HERC2: variants seen among roughly 807,000 people sequenced by gnomAD.
HERC2 encodes HECT and RLD domain containing E3 ubiquitin protein ligase 2, also known as E3 ubiquitin-protein ligase HERC2.
HERC2 carries 102 observed loss-of-function variants against 537.7 expected under a neutral mutation model. The observed-to-expected ratio is 0.19, with a 90% confidence interval of 0.16 to 0.22. The LOEUF (loss-of-function observed/expected upper bound fraction) is 0.22. Ranked by LOEUF, HERC2 falls within the 10% of genes least tolerant of loss-of-function variation. The pLI is 1.00. For synonymous variants in HERC2, 2,224 were observed against 2,466.2 expected (o/e 0.90, Z 2.91); for missense variants, 4,236 against 6,198.2 (o/e 0.68, Z 10.63).
In HERC2 at chr15:28,265,950, G is replaced by C; in HGVS notation, c.1623C>G (p.Ile541Met). 1 of 1,614,186 alleles carries C rather than the reference G, an allele frequency of 6.2e-7. No homozygotes were observed. Among genetic ancestry groups the C allele is most frequent in the South Asian group, 1.1e-5 (1 of 91,086 alleles). Residue 541 changes from isoleucine (I) to methionine (M), a missense_variant, in exon 13 of 93, where the codon ATC (isoleucine) becomes ATG (methionine). Coordinates refer to ENST00000261609, the MANE Select transcript of HERC2 (RefSeq NM_004667.6). This position sits in a 1 kb window ranked among gnomAD's most constrained non-coding sequence, Gnocchi z 4.0. ...CGGCCTGCTTTCCAGAGAAGGCGGA[G>C]ATCACCTTAGGCTCCTCCAAAGGCC... is the stretch of plus-strand genomic sequence containing the variant. Reference protein sequence around the residue: ...DTVPLEEPKVISAFSGKQAGK... With the variant: ...DTVPLEEPKVMSAFSGKQAGK...
In HERC2 at chr15:28,211,481, C is replaced by G. The variant is rs556752406; in HGVS notation, c.6926-336G>C. 3.9e-5 allele frequency among the ~76,000 whole-genome samples: 6 copies of G among 152,248 alleles called. No homozygotes were observed. The South Asian group carries it at 1.2e-3, about 32-fold the overall frequency. On this transcript the variant is annotated intron_variant, in intron 43 of 92. Transcript: ENST00000261609. ...GTTGCTGAAGTTTCAGCCGCTTTCA[C>G]TCTTCTTCTAAGACTCCTCTGAGAG... is the stretch of plus-strand genomic sequence containing the variant.
chr15:28,213,852 C>G lies in HERC2; in HGVS notation c.6676G>C (p.Asp2226His). 1 of 1,614,038 alleles carries G rather than the reference C, an allele frequency of 6.2e-7. No individual in the cohort carries two copies. Among genetic ancestry groups the G allele is most frequent in the South Asian group, 1.1e-5 (1 of 91,074 alleles). The change falls in exon 42 of 93, where the codon GAT becomes CAT. Residue 2226 changes from aspartate (D) to histidine (H), a missense_variant. Asp to His is a moderately conservative substitution (Grantham distance 81, BLOSUM62 -1). Coordinates refer to ENST00000261609, the MANE Select transcript of HERC2 (RefSeq NM_004667.6). Reference sequence around the variant, plus strand: ...GTCACAGTGCCTTCTCCAAACTCATCGTGCATAACTTGACCGCCCAGGCGC... The same window carrying G: ...GTCACAGTGCCTTCTCCAAACTCATGGTGCATAACTTGACCGCCCAGGCGC... ...RLRLGGQVMH[D>H]EFGEGTVTRI...
chr15:28,189,081 A>G (rs528050438), intron 55 of HERC2, among the ~76,000 whole-genome samples: 12 of 152,182 alleles, frequency 7.9e-5, no homozygotes, highest in African/African-American at 2.4e-4. Context: ...AGTGAGACTC[A>G]GTCTCAAAAA....
chr15:28,233,140 T>C lies in HERC2; in HGVS notation c.4675+6A>G, dbSNP rs1334035900. ...AATAGTATCTTCTGTCCTTTTACAT[T>C]CTTACCTCTCTTTTTCCTTCGTTCT... is the stretch of plus-strand genomic sequence containing the variant. On this transcript the variant is annotated splice_donor_region_variant and intron_variant, in intron 30 of 92. Coordinates refer to ENST00000261609, the MANE Select transcript of HERC2 (RefSeq NM_004667.6). 1.2e-6 allele frequency: 2 copies of C among 1,607,542 alleles called. No individual in the cohort carries two copies. The highest frequency in any genetic ancestry group is 3.3e-5 in the Admixed American group (2 of 59,992).
At position 28,177,493 on chromosome 15, in the gene HERC2, C is replaced by T. The variant is rs754619145; in HGVS notation, c.9180G>A (p.Thr3060=). 1.5e-5 allele frequency: 24 copies of T among 1,614,062 alleles called. No individual in the cohort carries two copies. The highest frequency in any genetic ancestry group is 1.6e-4 in the Middle Eastern group (1 of 6,084). The part of the protein sequence containing the change: ...VAVHSGGRHA[T]ALTVDGKVFS... Reference sequence around the variant, plus strand: ...ACACTTTTCCATCGACAGTTAAAGCCGTCGCGTGCCGGCCACCTGCAACAT... The same window carrying T: ...ACACTTTTCCATCGACAGTTAAAGCTGTCGCGTGCCGGCCACCTGCAACAT... Residue 3060 remains threonine (T), a synonymous_variant, in exon 60 of 93, where the codon ACG becomes ACA. Transcript: ENST00000261609. The surrounding 1 kb of genome is among the most constrained non-coding windows in gnomAD (Gnocchi z 5.0).
chr15:28,274,435 T>C lies in HERC2; in HGVS notation c.656A>G (p.Asp219Gly). 3 of 1,611,330 alleles carry C rather than the reference T, an allele frequency of 1.9e-6. No individual in the cohort carries two copies. The highest frequency in any genetic ancestry group is 2.5e-6 in the Non-Finnish European group (3 of 1,178,876). The change falls in exon 7 of 93, where the codon GAC becomes GGC. Residue 219 changes from aspartate (D) to glycine (G), a missense_variant. Transcript: ENST00000261609. Reference sequence around the variant, plus strand: ...CTCCTGCAACAGCTCACTGCAGAGGTCCGCATCCTCGCCTGGGCGCACACA... The same window carrying C: ...CTCCTGCAACAGCTCACTGCAGAGGCCCGCATCCTCGCCTGGGCGCACACA... The part of the protein sequence containing the change: ...RRAWRSGEDA[D>G]LCSELLQESL...
At chr15:28,220,164 G>A (rs552674130) in intron 37 of HERC2, among the ~76,000 whole-genome samples, 6 of 152,308 alleles carry the variant, frequency 3.9e-5, no homozygotes, top group South Asian at 2.1e-4. Flanking sequence ...CTCACTGGTG[G>A]TGCAGCTGCC....
intron 38 of HERC2, among the ~76,000 whole-genome samples, chr15:28,217,223 C>T (rs1403737096): frequency 6.6e-6 from 1 of 151,586 alleles, no homozygotes. Flanking sequence ...CTCACACTCA[C>T]TCATGCCTCC....
chr15:28,267,754 C>A (rs1439276920), intron 12 of HERC2, among the ~76,000 whole-genome samples: 1 of 152,244 alleles, frequency 6.6e-6, no homozygotes, highest in Admixed American at 6.5e-5. Flanking sequence ...GGGCCATGCC[C>A]CCCAGGCTCC....
intron 4 of HERC2, among the ~76,000 whole-genome samples, chr15:28,283,302 A>G (rs543627446): frequency 1.0e-3 from 152 of 152,360 alleles, no homozygotes; most frequent in African/African-American, 3.4e-3. Flanking sequence ...AAACATTTCA[A>G]AAGCCACTAA....
chr15:28,197,303 G>A (rs1897438890), intron 50 of HERC2, among the ~76,000 whole-genome samples: 1 of 152,158 alleles, frequency 6.6e-6, no homozygotes, highest in Admixed American at 6.5e-5. Context: ...TCATGCAACT[G>A]TTAAAACGGA....
chr15:28,134,015 A>G (rs1022571685), intron 79 of HERC2, among the ~76,000 whole-genome samples: 3 of 152,216 alleles, frequency 2.0e-5, no homozygotes, highest in Non-Finnish European at 4.4e-5. Context: ...ATCAATTTCT[A>G]TACAAATCTT....
chr15:28,209,223 T>G (rs1334122339), intron 44 of HERC2, among the ~76,000 whole-genome samples: 1 of 152,224 alleles, frequency 6.6e-6, no homozygotes, highest in Non-Finnish European at 1.5e-5. Context: ...TATCCATGGG[T>G]TCTGCATCCA....
chr15:28,135,204 G>T (rs1890508488), intron 79 of HERC2, among the ~76,000 whole-genome samples: 1 of 152,138 alleles, frequency 6.6e-6, no homozygotes, highest in African/African-American at 2.4e-5. Flanking sequence ...TTCAGTGGAT[G>T]ATTTAAGGGA....
intron 65 of HERC2, 149 bp downstream of exon 65, chr15:28,174,246 G>A: frequency 1.6e-6 from 1 of 634,394 alleles, no homozygotes; most frequent in Non-Finnish European, 2.7e-6. Context: ...AATCGCATGA[G>A]AGCACACCAT....
intron 68 of HERC2, among the ~76,000 whole-genome samples, chr15:28,163,860 TAAAC>T: frequency 6.6e-6 from 1 of 152,256 alleles, no homozygotes; most frequent in Non-Finnish European, 1.5e-5. Flanking sequence ...CATGTCAGCC[TAAAC>T]ATACCACATC....
At chr15:28,249,805 G>A (rs529794639) in intron 20 of HERC2, among the ~76,000 whole-genome samples, 72 of 148,392 alleles carry the variant, frequency 4.9e-4, no homozygotes, top group South Asian at 4.2e-3. Context: ...ACGCCACCAC[G>A]CCAAGCTAAC....
At chr15:28,262,277 C>T (rs888973462) in intron 15 of HERC2, among the ~76,000 whole-genome samples, 3 of 152,158 alleles carry the variant, frequency 2.0e-5, no homozygotes, top group African/African-American at 7.2e-5. Context: ...CCCACCCCAA[C>T]TTCCTGCAGC....
chr15:28,255,131 T>C (rs1015924942), intron 19 of HERC2, among the ~76,000 whole-genome samples: 5 of 151,310 alleles, frequency 3.3e-5, no homozygotes, highest in Non-Finnish European at 7.4e-5. Flanking sequence ...AGCCCAGGAG[T>C]TCGAGACCAG....
Sources: allele counts gnomAD v4.1 joint callset (sites outside exome capture counted in the v4.1 genomes callset), GRCh38; gene constraint gnomAD v4.1.1; non-coding constraint Gnocchi (gnomAD v3.1); transcripts MANE v1.5; gene names NCBI Gene and HGNC (gene_info 2026-07-23, HGNC 2026-07-21).